The following SEMA5A variants were observed in gnomAD, a reference collection of about 807,000 sequenced individuals.
SEMA5A encodes semaphorin-5A.
A neutral mutation model predicts 135.5 loss-of-function variants in SEMA5A; 55 were observed. The observed-to-expected ratio is 0.41, with a 90% CI of 0.33 to 0.51. SEMA5A has a LOEUF of 0.51. Ranked by LOEUF, SEMA5A falls within the 20% of genes least tolerant of loss-of-function variation. The pLI is 0.37. For missense variants in SEMA5A, 1,290 were observed against 1,419.9 expected (o/e 0.91, Z 1.47); for synonymous variants, 580 against 546.5 (o/e 1.06, Z -0.85).
chr5:9,275,464 C>A (rs549553359), intron 5 of SEMA5A, among the ~76,000 whole-genome samples: 1 of 152,250 alleles, frequency 6.6e-6, no homozygotes, highest in South Asian at 2.1e-4. Flanking sequence ...AAGAGGGAAT[C>A]CTCCCTAACT....
chr5:9,201,958 T>C lies in SEMA5A; in HGVS notation c.929A>G (p.Asn310Ser), dbSNP rs760082521. The stretch of plus-strand genomic sequence containing the variant: ...AAAATTATTTCAAGTTACATACACA[T>C]TGGTGGTAAAGATGCCATAGATCAA... ...LDLIYGIFTT[N>S]VNSIAASAVC... is the part of the protein sequence containing the mutation. The change falls in exon 9 of 23, where the codon AAT (asparagine) becomes AGT (serine). Residue 310 changes from asparagine to serine, a missense_variant. By Grantham distance (46) the Asn-to-Ser change is conservative. Around this residue, in one of 3 missense-constraint regions of SEMA5A, gnomAD observed 1,029 missense variants for 1,086.6 expected, o/e 0.95. Coordinates refer to ENST00000382496, the MANE Select transcript of SEMA5A (RefSeq NM_003966.3). 1.2e-6 allele frequency: 2 copies of C among 1,613,348 alleles called. No individual in the cohort carries two copies. The highest frequency in any genetic ancestry group is 3.3e-5 in the Admixed American group (2 of 60,004).
rs1303255615 is a variant in SEMA5A, at chr5:9,042,551, A to G, written c.*346T>C. On this transcript the variant is annotated 3_prime_UTR_variant, in exon 23 of 23. Coordinates refer to ENST00000382496, the MANE Select transcript of SEMA5A (RefSeq NM_003966.3). ...TTGAATTACAACATCATGAAGATTTACACTCCAAAGTTCTAAAGAAAGACT... is the reference window on the plus strand; with the variant it reads ...TTGAATTACAACATCATGAAGATTTGCACTCCAAAGTTCTAAAGAAAGACT... 3.8e-6 allele frequency: 1 copy of G among 264,864 alleles called. No homozygotes were observed. The highest frequency in any genetic ancestry group is 7.1e-6 in the Non-Finnish European group (1 of 139,914). The allele number at this position is 264,864 out of a possible 1,614,324, so 16.4% of individuals were successfully genotyped here. A position where few individuals can be genotyped will look rare whatever the true frequency, so the allele number is the denominator to read the frequency against.
chr5:9,351,570 T>G (rs1280490016), intron 3 of SEMA5A, among the ~76,000 whole-genome samples: 4 of 151,934 alleles, frequency 2.6e-5, no homozygotes, highest in Admixed American at 2.6e-4. Flanking sequence ...TAAGAAAAAA[T>G]AATAGACATT....
At chr5:9,195,292 A>G (rs1017408853) in intron 10 of SEMA5A, among the ~76,000 whole-genome samples, 1 of 152,088 alleles carries the variant, frequency 6.6e-6, no homozygotes, top group African/African-American at 2.4e-5. Context: ...CAGACTCCCA[A>G]ATAGCTAGGA....
chr5:9,489,395 C>A (rs148282493), intron 1 of SEMA5A, among the ~76,000 whole-genome samples: 6 of 152,036 alleles, frequency 3.9e-5, no homozygotes, highest in Non-Finnish European at 8.8e-5. Flanking sequence ...AAAACGCATA[C>A]CTTTGGAATC....
chr5:9,090,809 G>A (rs565319049), intron 16 of SEMA5A, among the ~76,000 whole-genome samples: 16 of 152,238 alleles, frequency 1.1e-4, no homozygotes, highest in South Asian at 1.0e-3. Context: ...GGAAAGCCCC[G>A]GCATCACCAA....
At position 9,048,677 on chromosome 5, in the gene SEMA5A, G is replaced by C. The variant is rs536202309; in HGVS notation, c.2893+1733C>G. Among the ~76,000 whole-genome samples the C allele has an allele frequency of 1.3e-3, 196 of 152,224 alleles. 1 individual carries two copies. The highest frequency in any genetic ancestry group is 4.5e-3 in the African/African-American group (188 of 41,526). On this transcript the variant is annotated intron_variant, in intron 21 of 22. Coordinates refer to ENST00000382496, the MANE Select transcript of SEMA5A (RefSeq NM_003966.3). ...TCCAAAACCCTTCTCTATTTCCAGA[G>C]GTGTTACATGAAGAACTGTAGACCC...
intron 5 of SEMA5A, among the ~76,000 whole-genome samples, chr5:9,257,576 G>C (rs768700142): frequency 6.6e-6 from 1 of 150,584 alleles, no homozygotes; most frequent in African/African-American, 2.4e-5. Context: ...TTATACTAGG[G>C]ACTGAGATTC....
At chr5:9,431,013 A>G (rs560245367) in intron 2 of SEMA5A, among the ~76,000 whole-genome samples, 194 of 152,242 alleles carry the variant, frequency 1.3e-3, no homozygotes, top group Non-Finnish European at 2.1e-3. Context: ...AAGAAAGGAA[A>G]TAACTGCTTA....
At chr5:9,318,240 C>A in intron 5 of SEMA5A, 132 bp downstream of exon 5, 1 of 743,682 alleles carries the variant, frequency 1.3e-6, no homozygotes, top group Non-Finnish European at 2.2e-6. Context: ...AGTCCCGTGG[C>A]CTGACCTGCT....
chr5:9,439,030 A>C (rs1415376660), intron 1 of SEMA5A, among the ~76,000 whole-genome samples: 1 of 152,184 alleles, frequency 6.6e-6, no homozygotes, highest in Non-Finnish European at 1.5e-5. Context: ...CATGGGAAGC[A>C]AGGGGGTGAC....
chr5:9,045,395 A>G (rs764159174), intron 21 of SEMA5A, among the ~76,000 whole-genome samples: 9 of 152,152 alleles, frequency 5.9e-5, no homozygotes, highest in Non-Finnish European at 1.0e-4. Context: ...ATTTCATCCT[A>G]TTTAAAATGT....
chr5:9,407,489 G>C (rs1756933077), intron 2 of SEMA5A, among the ~76,000 whole-genome samples: 1 of 152,196 alleles, frequency 6.6e-6, no homozygotes, highest in Non-Finnish European at 1.5e-5. Flanking sequence ...TAAATGAAGT[G>C]AACATTGAAA....
chr5:9,242,853 C>A (rs902973618), intron 5 of SEMA5A, among the ~76,000 whole-genome samples: 3 of 152,152 alleles, frequency 2.0e-5, no homozygotes, highest in Non-Finnish European at 4.4e-5. Flanking sequence ...TATCATCCCA[C>A]TATTTTTTGA....
At chr5:9,481,273 G>A (rs767744997) in intron 1 of SEMA5A, among the ~76,000 whole-genome samples, 2 of 152,094 alleles carry the variant, frequency 1.3e-5, no homozygotes, top group Non-Finnish European at 2.9e-5. Flanking sequence ...TATACGTCTG[G>A]TGAAGCAAAT....
chr5:9,267,763 C>A (rs568762452), intron 5 of SEMA5A, among the ~76,000 whole-genome samples: 8 of 152,116 alleles, frequency 5.3e-5, no homozygotes, highest in African/African-American at 1.9e-4. Flanking sequence ...TCATCTCTGG[C>A]CGGGGTGGGC....
intron 16 of SEMA5A, among the ~76,000 whole-genome samples, chr5:9,085,332 G>A (rs1026522778): frequency 5.3e-5 from 8 of 152,142 alleles, no homozygotes; most frequent in East Asian, 3.9e-4. Context: ...AGGTCTTCAC[G>A]GCAGCCCCTC....
chr5:9,192,382 T>C (rs1189988387), intron 10 of SEMA5A, among the ~76,000 whole-genome samples: 1 of 152,226 alleles, frequency 6.6e-6, no homozygotes. Context: ...CTGGAAGTCC[T>C]TATAAATGCC....
intron 16 of SEMA5A, among the ~76,000 whole-genome samples, chr5:9,071,448 T>C (rs1472286808): frequency 1.3e-5 from 2 of 152,208 alleles, no homozygotes; most frequent in Non-Finnish European, 2.9e-5. Context: ...GCAAGAACTT[T>C]GTCACGTTTA....
Sources: gnomAD v4.1 joint callset for allele counts (sites outside exome capture counted in the v4.1 genomes callset) on GRCh38, gnomAD v4.1.1 for gene constraint, gnomAD v4.1.1 regional missense constraint, MANE v1.5 for transcripts, NCBI Gene and HGNC (gene_info 2026-07-23, HGNC 2026-07-21) for gene names.